The following ADAMTS3 variants were observed in gnomAD, a reference collection of about 807,000 sequenced individuals.
ADAMTS3 encodes the protein A disintegrin and metalloproteinase with thrombospondin motifs 3.
A neutral mutation model predicts 129.0 loss-of-function variants in ADAMTS3; 73 were observed. That is an observed-to-expected ratio of 0.57 (90% CI 0.47 to 0.69). The LOEUF is 0.69. Among genes scored for constraint, ADAMTS3 ranks in the 30% least tolerant of loss-of-function variants. The pLI is 0.00. For missense variants in ADAMTS3, 1,457 were observed against 1,514.5 expected, an observed-to-expected ratio of 0.96 and a Z score of 0.63; for synonymous variants, 477 against 510.8, an observed-to-expected ratio of 0.93 and a Z score of 0.89.
At chr4:72,526,781 CAGAGAGAGAGAG>C (rs367563051) in intron 3 of ADAMTS3, among the ~76,000 whole-genome samples, 1 of 91,862 alleles carries the variant, frequency 1.1e-5, no homozygotes, top group African/African-American at 4.2e-5. Context: ...TATATATAGA[CAGAGAGAGAGAG>C]AGAGAGAGAG....
chr4:72,456,044 T>C (rs1241430993), intron 3 of ADAMTS3, among the ~76,000 whole-genome samples: 1 of 52,014 alleles, frequency 1.9e-5, no homozygotes, highest in African/African-American at 6.4e-5. Context: ...ATATAGTATA[T>C]ATACTATATA....
intron 2 of ADAMTS3, among the ~76,000 whole-genome samples, chr4:72,552,469 G>A (rs1339575445): frequency 1.3e-5 from 2 of 152,204 alleles, no homozygotes. Flanking sequence ...CACAGTAATA[G>A]GTATGTGAAG....
intron 3 of ADAMTS3, among the ~76,000 whole-genome samples, chr4:72,512,362 T>C (rs1012241179): frequency 2.6e-5 from 4 of 151,894 alleles, no homozygotes; most frequent in African/African-American, 4.8e-5. Context: ...GATGGTGGCA[T>C]GTGCCTGTAG....
At chr4:72,441,115 T>C (rs970763236) in intron 3 of ADAMTS3, among the ~76,000 whole-genome samples, 3 of 151,780 alleles carry the variant, frequency 2.0e-5, no homozygotes, top group African/African-American at 7.2e-5. Context: ...TCTAACATCA[T>C]AGATTGTTTT....
intron 21 of ADAMTS3, among the ~76,000 whole-genome samples, chr4:72,284,555 A>C (rs962285112): frequency 6.6e-6 from 1 of 152,198 alleles, no homozygotes; most frequent in Non-Finnish European, 1.5e-5. Flanking sequence ...AAGTATGCCA[A>C]ATTTCTTATG....
intron 3 of ADAMTS3, among the ~76,000 whole-genome samples, chr4:72,479,207 G>T (rs1420471771): frequency 1.3e-5 from 2 of 151,818 alleles, no homozygotes; most frequent in South Asian, 2.1e-4. Context: ...AAAGTTCATA[G>T]GGAACCAAAA....
chr4:72,513,112 A>G (rs539868869), intron 3 of ADAMTS3, among the ~76,000 whole-genome samples: 40 of 152,230 alleles, frequency 2.6e-4, no homozygotes, highest in African/African-American at 9.4e-4. Context: ...GTCTCTGGAG[A>G]GTACCCACGA....
intron 7 of ADAMTS3, among the ~76,000 whole-genome samples, chr4:72,320,273 T>A (rs893267565): frequency 6.6e-6 from 1 of 152,168 alleles, no homozygotes; most frequent in African/African-American, 2.4e-5. Context: ...GTGGTACTGA[T>A]GAAGGAAGCC....
At chr4:72,317,264 A>G (rs1719422613) in intron 10 of ADAMTS3, among the ~76,000 whole-genome samples, 1 of 152,128 alleles carries the variant, frequency 6.6e-6, no homozygotes, top group Non-Finnish European at 1.5e-5. Context: ...CCACTTTTCC[A>G]TGACATTAAG....
intron 4 of ADAMTS3, among the ~76,000 whole-genome samples, chr4:72,385,353 T>C (rs1027005642): frequency 2.0e-5 from 3 of 151,928 alleles, no homozygotes; most frequent in Admixed American, 2.0e-4. Flanking sequence ...GCTAAAAAGC[T>C]GGTAGAGAAG....
chr4:72,550,204 AAG>A (rs1560564404), intron 2 of ADAMTS3, among the ~76,000 whole-genome samples: 4 of 151,918 alleles, frequency 2.6e-5, no homozygotes, highest in African/African-American at 9.7e-5. Context: ...TAGTGTGTTA[AAG>A]TGCCCTAAAA....
At chr4:72,338,793 A>G (rs2109830797) in intron 5 of ADAMTS3, among the ~76,000 whole-genome samples, 1 of 152,268 alleles carries the variant, frequency 6.6e-6, no homozygotes, top group South Asian at 2.1e-4. Flanking sequence ...TTTTAGAAGT[A>G]GGTGGTTTAC....
intron 3 of ADAMTS3, among the ~76,000 whole-genome samples, chr4:72,487,508 C>A (rs768400616): frequency 8.4e-4 from 128 of 152,104 alleles, no homozygotes; most frequent in Non-Finnish European, 3.7e-4. Flanking sequence ...CCATCTCTGT[C>A]TGCCCTGTCC....
In ADAMTS3 at chr4:72,514,231, G is replaced by C. The variant is rs368455676; in HGVS notation, c.504+34247C>G. ...AATAAATTCAATGTCACCAACTCTTGAACCTGCTGATACAGGATTACTAGG... is the reference window on the plus strand; with the variant it reads ...AATAAATTCAATGTCACCAACTCTTCAACCTGCTGATACAGGATTACTAGG... On this transcript the variant is annotated intron_variant, in intron 3 of 21. Coordinates refer to ENST00000286657, the MANE Select transcript of ADAMTS3 (RefSeq NM_014243.3). Among the ~76,000 whole-genome samples the C allele has an allele frequency of 9.2e-5, 14 of 152,200 alleles. No homozygotes were observed. The South Asian group carries it at 2.7e-3, about 29-fold the overall frequency.
At chr4:72,309,044 T>C (rs1396979725) in intron 15 of ADAMTS3, among the ~76,000 whole-genome samples, 2 of 152,002 alleles carry the variant, frequency 1.3e-5, no homozygotes, top group East Asian at 3.9e-4. Context: ...ATAATTTATA[T>C]GCAACAAGAA....
intron 4 of ADAMTS3, among the ~76,000 whole-genome samples, chr4:72,383,939 A>G (rs1014742377): frequency 2.6e-5 from 4 of 152,060 alleles, no homozygotes; most frequent in Admixed American, 2.6e-4. Context: ...CTTATAACGA[A>G]TGAGCAAGTA....
chr4:72,441,196 A>G (rs751071390), intron 3 of ADAMTS3, among the ~76,000 whole-genome samples: 1 of 151,756 alleles, frequency 6.6e-6, no homozygotes, highest in Non-Finnish European at 1.5e-5. Context: ...TTTTTTATTC[A>G]GCATAATGCT....
intron 4 of ADAMTS3, among the ~76,000 whole-genome samples, chr4:72,345,714 G>A (rs1015645096): frequency 1.3e-5 from 2 of 151,962 alleles, no homozygotes; most frequent in Admixed American, 1.3e-4. Flanking sequence ...TCTAACATCC[G>A]TGTGTTTGCT....
rs1309378373 is a variant in ADAMTS3 at position 72,371,047 on chromosome 4, C to T, written c.662-31354G>A. Among the ~76,000 whole-genome samples the T allele has an allele frequency of 2.0e-5, 3 of 151,930 alleles. No homozygotes were observed. In the East Asian group the frequency reaches 5.8e-4, roughly 29 times the overall value. On this transcript the variant is annotated intron_variant, in intron 4 of 21. Transcript: ENST00000286657. ...AACATGTGAAGAGAGAGGCAGAGAC[C>T]AGAGTGATATGTCTACAAGCCAAGA...
Sources: allele counts gnomAD v4.1 joint callset (sites outside exome capture counted in the v4.1 genomes callset), GRCh38; gene constraint gnomAD v4.1.1; transcripts MANE v1.5; gene names NCBI Gene and HGNC (gene_info 2026-07-23, HGNC 2026-07-21).